The following CMAS variants were observed in gnomAD, a reference collection of about 807,000 sequenced individuals.
CMAS encodes the protein N-acylneuraminate cytidylyltransferase.
In CMAS, 21 loss-of-function variants were observed where a neutral mutation model predicts 53.4. The observed-to-expected ratio is 0.39, with a 90% CI of 0.28 to 0.57. The LOEUF is 0.57. Ranked by LOEUF, CMAS falls within the 20% of genes least tolerant of loss-of-function variation. The pLI is 0.56. For synonymous variants in CMAS, 189 were observed against 195.2 expected, an observed-to-expected ratio of 0.97 and a Z score of 0.27; for missense variants, 384 against 534.9, an observed-to-expected ratio of 0.72 and a Z score of 2.78.
rs200718250 is a variant in CMAS, at chr12:22,055,310, G to A, written c.403+19G>A. The stretch of plus-strand genomic sequence containing the variant: ...CATAATGGTATGAATTTGATTAATA[G>A]TTTATTCAAACCTTTATGTACTTTT... On this transcript the variant is annotated intron_variant, in intron 2 of 7. Coordinates refer to ENST00000229329, the MANE Select transcript of CMAS (RefSeq NM_018686.6). 5.3e-5 allele frequency: 83 copies of A among 1,553,780 alleles called. No individual in the cohort carries two copies. The highest frequency in any genetic ancestry group is 6.9e-5 in the Non-Finnish European group (78 of 1,135,606).
At chr12:22,049,838 G>A (rs1950229387) in intron 1 of CMAS, among the ~76,000 whole-genome samples, 1 of 151,936 alleles carries the variant, frequency 6.6e-6, no homozygotes, top group Non-Finnish European at 1.5e-5. Flanking sequence ...CCGGGAGGTG[G>A]AGGTTGCAGT....
At position 22,065,449 on chromosome 12, in the gene CMAS, T is replaced by C. The variant is rs14472; in HGVS notation, c.*138T>C. ...GTGATATATATATATTGTGCTCTAC[T>C]TTTCTCTTTACGCAAGATAATTATT... is the stretch of plus-strand genomic sequence containing the variant. On this transcript the variant is annotated 3_prime_UTR_variant, in exon 8 of 8. Coordinates refer to ENST00000229329, the MANE Select transcript of CMAS (RefSeq NM_018686.6). The C allele has an allele frequency of 1.8e-4, 113 of 631,540 alleles. No homozygotes were observed. The African/African-American group carries it at 1.9e-3, about 11-fold the overall frequency. The allele number at this position is 631,540 out of a possible 1,614,324, so 39.1% of individuals were successfully genotyped here.
intron 4 of CMAS, 141 bp from the exon 5 acceptor site, chr12:22,060,691 T>G (rs1211640042): frequency 5.4e-6 from 3 of 550,852 alleles, no homozygotes; most frequent in African/African-American, 1.9e-5. Flanking sequence ...TAAAAATCAT[T>G]TTTATGTGAC....
chr12:22,046,526 G>A lies in CMAS; in HGVS notation c.223G>A (p.Val75Ile), dbSNP rs375932647. The A allele has an allele frequency of 6.2e-7, 1 of 1,602,736 alleles. No homozygotes were observed. The highest frequency in any genetic ancestry group is 8.5e-7 in the Non-Finnish European group (1 of 1,175,738). ...HLAGVPLIGWVLRAALDSGAF... is the reference protein window; with the variant it reads ...HLAGVPLIGWILRAALDSGAF... The stretch of plus-strand genomic sequence containing the variant: ...GGCGGGGGTCCCGCTCATTGGCTGG[G>A]TCCTGCGTGCGGCCCTGGATTCAGG... The change falls in exon 1 of 8, where the codon GTC becomes ATC. Residue 75 changes from valine to isoleucine, a missense_variant. Around this residue, in one of 3 missense-constraint regions of CMAS, gnomAD observed 111 missense variants for 132.2 expected, o/e 0.84. Transcript: ENST00000229329.
At chr12:22,055,713 A>G in intron 3 of CMAS, 103 bp downstream of exon 3, 1 of 957,000 alleles carries the variant, frequency 1.0e-6, no homozygotes, top group Non-Finnish European at 1.6e-6. Context: ...GGAGCTGTAA[A>G]AGAGAGTATT....
intron 4 of CMAS, among the ~76,000 whole-genome samples, chr12:22,060,283 A>C (rs1334085984): frequency 6.8e-6 from 1 of 147,286 alleles, no homozygotes; most frequent in Non-Finnish European, 1.5e-5. Flanking sequence ...AACTGTTTAG[A>C]TAGAATTTGA....
rs772706657 is a variant in CMAS at position 22,046,614 on chromosome 12, G to C, written c.260+51G>C. The C allele has an allele frequency of 3.4e-6, 5 of 1,465,002 alleles. No homozygotes were observed. The Admixed American group carries it at 7.6e-5, about 22-fold the overall frequency. 90.8% of individuals were successfully genotyped at this position (1,465,002 alleles called of 1,614,324 possible). A position where few individuals can be genotyped will look rare whatever the true frequency, so the allele number is the denominator to read the frequency against. ...GCGGCCTGGGCGGGGGTCGGGAGAG[G>C]GAGTCGGGCTGCTGGAGGGGCTGGG... is the stretch of plus-strand genomic sequence containing the variant. On this transcript the variant is annotated intron_variant, in intron 1 of 7. Transcript: ENST00000229329.
intron 6 of CMAS, 98 bp downstream of exon 6, chr12:22,061,550 C>T: frequency 1.3e-6 from 1 of 766,008 alleles, no homozygotes; most frequent in South Asian, 2.9e-5. Flanking sequence ...AGTATTAACT[C>T]TTAAAATATC....
intron 7 of CMAS, among the ~76,000 whole-genome samples, chr12:22,062,714 T>C (rs933523900): frequency 6.6e-6 from 1 of 152,172 alleles, no homozygotes; most frequent in Non-Finnish European, 1.5e-5. Context: ...TGTTTCCTCA[T>C]CTGTAAACTG....
chr12:22,051,706 T>C (rs1357799409), intron 1 of CMAS, among the ~76,000 whole-genome samples: 1 of 152,210 alleles, frequency 6.6e-6, no homozygotes, highest in Non-Finnish European at 1.5e-5. Flanking sequence ...TTCATATTTT[T>C]TTCACAGTGT....
intron 3 of CMAS, among the ~76,000 whole-genome samples, chr12:22,058,040 TG>T (rs1248321064): frequency 6.6e-6 from 1 of 151,572 alleles, no homozygotes; most frequent in Non-Finnish European, 1.5e-5. Flanking sequence ...TTGGCTGGGC[TG>T]CTCTCGAACT....
At position 22,065,130 on chromosome 12, in the gene CMAS, T is replaced by C. The variant is rs1322399221; in HGVS notation, c.1124T>C (p.Val375Ala). 1.9e-6 allele frequency: 3 copies of C among 1,601,440 alleles called. No individual in the cohort carries two copies. Among genetic ancestry groups the C allele is most frequent in the South Asian group, 1.1e-5 (1 of 90,296 alleles). The part of the protein sequence containing the change: ...WKEVAYLGNE[V>A]SDEECLKRVG... ...TTATTTTACTTGATAGGAAATGAAG[T>C]GTCTGATGAAGAGTGCTTGAAGAGA... is the stretch of plus-strand genomic sequence containing the variant. Residue 375 changes from valine to alanine, a missense_variant, in exon 8 of 8, where the codon GTG becomes GCG. Physicochemically the swap from Val to Ala is moderately conservative, Grantham distance 64. This residue lies in a region of CMAS where 134 missense variants were observed against 154.6 expected (regional missense o/e 0.87). Transcript: ENST00000229329.
At chr12:22,063,732 A>ACAC (rs200020628) in intron 7 of CMAS, 9 of 143,028 alleles carry the variant, frequency 6.3e-5, no homozygotes, top group African/African-American at 2.4e-4. Context: ...CATTAAAAAA[A>ACAC]AAACACACAC....
chr12:22,065,383 A>G lies in CMAS; in HGVS notation c.*72A>G. Reference sequence around the variant, plus strand: ...AGTTTGCTTTTATTTTTGATTAAGTAAATTCCATGTTGTAATGTTACAGAG... The same window carrying G: ...AGTTTGCTTTTATTTTTGATTAAGTGAATTCCATGTTGTAATGTTACAGAG... On this transcript the variant is annotated 3_prime_UTR_variant, in exon 8 of 8. Transcript: ENST00000229329. 8.5e-7 allele frequency: 1 copy of G among 1,177,666 alleles called. No individual in the cohort carries two copies. The highest frequency in any genetic ancestry group is 1.2e-6 in the Non-Finnish European group (1 of 812,216). The allele number at this position is 1,177,666 out of a possible 1,614,324, so 73.0% of individuals were successfully genotyped here.
chr12:22,050,182 C>T (rs1950232233), intron 1 of CMAS, among the ~76,000 whole-genome samples: 1 of 152,194 alleles, frequency 6.6e-6, no homozygotes, highest in Admixed American at 6.5e-5. Flanking sequence ...TTAGTGCATG[C>T]CCTATGCAGG....
chr12:22,062,259 CCTT>C lies in CMAS; in HGVS notation c.961-21_961-19del. The C allele has an allele frequency of 2.2e-6, 3 of 1,376,210 alleles. No homozygotes were observed. The highest frequency in any genetic ancestry group is 5.1e-5 in the East Asian group (2 of 39,430). The allele number at this position is 1,376,210 out of a possible 1,614,324, so 85.2% of individuals were successfully genotyped here. On this transcript the variant is annotated intron_variant, in intron 6 of 7. Transcript: ENST00000229329. ...TTAATTTTTCCCTTCTTCCTCCAAT[CCTT>C]TTTTTTTTTTTTTTTAAGGTGAGGC...
chr12:22,055,321 C>T (rs746219508), intron 2 of CMAS, 30 bp downstream of exon 2: 2 of 1,523,446 alleles, frequency 1.3e-6, no homozygotes, highest in South Asian at 2.4e-5. Flanking sequence ...TTTATTCAAA[C>T]CTTTATGTAC....
In CMAS at chr12:22,046,479, C is replaced by T; in HGVS notation, c.176C>T (p.Pro59Leu). Residue 59 changes from proline (P) to leucine (L), a missense_variant, in exon 1 of 8, where the codon CCC (proline) becomes CTC (leucine). Around this residue, in one of 3 missense-constraint regions of CMAS, gnomAD observed 111 missense variants for 132.2 expected, o/e 0.84. Coordinates refer to ENST00000229329, the MANE Select transcript of CMAS (RefSeq NM_018686.6). Reference sequence around the variant, plus strand: ...GCCCGGGGAGGCAGCAAAGGCATCCCCCTGAAGAACATTAAGCACCTGGCG... The same window carrying T: ...GCCCGGGGAGGCAGCAAAGGCATCCTCCTGAAGAACATTAAGCACCTGGCG... ...ILARGGSKGI[P>L]LKNIKHLAGV... The T allele has an allele frequency of 6.2e-7, 1 of 1,610,070 alleles. No homozygotes were observed. The highest frequency in any genetic ancestry group is 8.5e-7 in the Non-Finnish European group (1 of 1,178,630).
chr12:22,056,925 A>G (rs7956642), intron 3 of CMAS, among the ~76,000 whole-genome samples: 41,137 of 151,856 alleles, frequency 0.27, 6,220 homozygotes, highest in African/African-American at 0.4. Context: ...CTTTTCTTCA[A>G]AGTACCACTT....
Sources: allele counts gnomAD v4.1 joint callset (sites outside exome capture counted in the v4.1 genomes callset), GRCh38; gene constraint gnomAD v4.1.1; regional missense constraint gnomAD v4.1.1; transcripts MANE v1.5; gene names NCBI Gene and HGNC (gene_info 2026-07-23, HGNC 2026-07-21).